CTC1: variants seen among roughly 807,000 people sequenced by gnomAD.
CTC1 encodes the protein CST complex subunit CTC1.
In CTC1, 91 loss-of-function variants were observed where a neutral mutation model predicts 136.3. That is an observed-to-expected ratio of 0.67 (90% CI 0.56 to 0.79). The LOEUF (loss-of-function observed/expected upper bound fraction) is 0.79, where lower values mean the gene tolerates loss of function less well. CTC1 is among the 30% of genes least tolerant of loss of function. CTC1 has a pLI of 0.00. For synonymous variants in CTC1, 606 were observed against 613.8 expected (o/e 0.99, Z 0.19); for missense variants, 1,432 against 1,498.1 (o/e 0.96, Z 0.73).
At chr17:8,238,340 G>C in intron 3 of CTC1, 52 bp downstream of exon 3, 1 of 1,575,820 alleles carries the variant, frequency 6.3e-7, no homozygotes, top group East Asian at 2.2e-5. Context: ...CTTGATCCTT[G>C]GACACCATTC....
chr17:8,231,638 G>C, intron 14 of CTC1, 88 bp downstream of exon 14: 1 of 1,345,588 alleles, frequency 7.4e-7, no homozygotes. Context: ...AGGAGGCCTA[G>C]AGAATGACCA....
intron 20 of CTC1, 63 bp downstream of exon 20, chr17:8,229,079 T>G: frequency 6.4e-7 from 1 of 1,552,610 alleles, no homozygotes; most frequent in Non-Finnish European, 8.8e-7. Context: ...ATGTAGAAAC[T>G]GCAGATAGAC....
chr17:8,244,529 CTTT>C (rs553787024), intron 1 of CTC1, among the ~76,000 whole-genome samples: 1 of 145,620 alleles, frequency 6.9e-6, no homozygotes, highest in African/African-American at 2.5e-5. Flanking sequence ...TCACATTCCT[CTTT>C]TTTTTTTTTT....
In CTC1 at chr17:8,226,639, G is replaced by T. The variant is rs554261837; in HGVS notation, c.*1541C>A. On this transcript the variant is annotated 3_prime_UTR_variant, in exon 23 of 23. Coordinates refer to ENST00000651323, the MANE Select transcript of CTC1 (RefSeq NM_025099.6). ...GTCGGCAGGATTCGAACCTGCGCGG[G>T]GAGACCCCAATGGATTTCTAGTCCA... is the stretch of plus-strand genomic sequence containing the variant. 4.0e-5 allele frequency: 6 copies of T among 151,754 alleles called. No homozygotes were observed. The East Asian group carries it at 7.7e-4, about 20-fold the overall frequency. 9.4% of individuals were successfully genotyped at this position (151,754 alleles called of 1,614,324 possible).
Position 8,232,463 on chromosome 17 carries a change from C to T in CTC1, c.1958G>A (p.Arg653Gln), listed in dbSNP as rs775779700. Residue 653 changes from arginine (R) to glutamine (Q), a missense_variant, in exon 12 of 23, where the codon CGG (arginine) becomes CAG (glutamine). Arg to Gln is a conservative substitution (Grantham distance 43). Coordinates refer to ENST00000651323, the MANE Select transcript of CTC1 (RefSeq NM_025099.6). ...SDPRLIGCLVRAERFQLIVER... is the reference protein window; with the variant it reads ...SDPRLIGCLVQAERFQLIVER... ...TACGATCAACTGAAACCTCTCTGCC[C>T]GCACCAGGCAGCCTAGAGGAAGAAA... The T allele has an allele frequency of 6.1e-5, 99 of 1,613,700 alleles. No individual in the cohort carries two copies. In the East Asian group the frequency reaches 1.5e-3, roughly 25 times the overall value.
chr17:8,246,561 T>C (rs1024879988), intron 1 of CTC1, among the ~76,000 whole-genome samples: 9 of 152,034 alleles, frequency 5.9e-5, no homozygotes, highest in Non-Finnish European at 1.3e-4. Flanking sequence ...GAAACCTAGA[T>C]GTCCTCCTTA....
rs1000241243 is a variant in CTC1, at chr17:8,247,064, G to A, written c.33+940C>T. Among the ~76,000 whole-genome samples the A allele has an allele frequency of 3.5e-5, 5 of 144,066 alleles. No individual in the cohort carries two copies. In the East Asian group the frequency reaches 9.5e-4, roughly 27 times the overall value. 94.5% of individuals were successfully genotyped at this position (144,066 alleles called of 152,430 possible). A position where few individuals can be genotyped will look rare whatever the true frequency, so the allele number is the denominator to read the frequency against. On this transcript the variant is annotated intron_variant, in intron 1 of 22. Transcript: ENST00000651323. ...GCTAGAGTGCAGTGGCGCGATCTCG[G>A]CTCACTGCAACCTCCACTTCCGTGG... is the stretch of plus-strand genomic sequence containing the variant.
Position 8,238,379 on chromosome 17 carries a change from A to T in CTC1, c.435+13T>A, listed in dbSNP as rs752476587. ...TCAGGATCTGAGGCATCTGATCTCC[A>T]CCTTCCACTCACCTCACAGCTCAGG... On this transcript the variant is annotated intron_variant, in intron 3 of 22. Transcript: ENST00000651323. The T allele has an allele frequency of 6.2e-7, 1 of 1,608,918 alleles. No homozygotes were observed. The highest frequency in any genetic ancestry group is 8.5e-7 in the Non-Finnish European group (1 of 1,175,858).
chr17:8,247,828 G>A (rs1988888060), intron 1 of CTC1, 176 bp downstream of exon 1: 9 of 645,818 alleles, frequency 1.4e-5, no homozygotes, highest in Non-Finnish European at 2.5e-5. Flanking sequence ...CGTGAATGAG[G>A]GAATAAACAT....
chr17:8,247,699 G>A (rs1988871261), intron 1 of CTC1: 2 of 365,376 alleles, frequency 5.5e-6, no homozygotes, highest in African/African-American at 2.1e-5. Context: ...GCTCCGTCAA[G>A]GGTCTTCTCC....
At chr17:8,243,470 G>A (rs1988443760) in intron 1 of CTC1, among the ~76,000 whole-genome samples, 1 of 149,992 alleles carries the variant, frequency 6.7e-6, no homozygotes, top group Non-Finnish European at 1.5e-5. Context: ...GGTGAGCCAA[G>A]ATCGAGCCAT....
At position 8,232,933 on chromosome 17, in the gene CTC1, G is replaced by C; in HGVS notation, c.1918C>G (p.Gln640Glu). ...ATCAGCCGTGGGTCACTGAGGGGTT[G>C]AGAGTGCTTGGCCAGGAGCAGGCAG... ...LPCLLLAKHS[Q>E]PLSDPRLIGC... Residue 640 changes from glutamine to glutamate, a missense_variant, in exon 11 of 23, where the codon CAA (glutamine) becomes GAA (glutamate). Physicochemically the swap from Gln to Glu is conservative, Grantham distance 29. Coordinates refer to ENST00000651323, the MANE Select transcript of CTC1 (RefSeq NM_025099.6). The C allele has an allele frequency of 6.2e-7, 1 of 1,614,118 alleles. No homozygotes were observed. Among genetic ancestry groups the C allele is most frequent in the Admixed American group, 1.7e-5 (1 of 60,020 alleles).
intron 1 of CTC1, among the ~76,000 whole-genome samples, chr17:8,246,318 G>A (rs1988702920): frequency 6.6e-6 from 1 of 152,026 alleles, no homozygotes; most frequent in Non-Finnish European, 1.5e-5. Context: ...CCACTGCATG[G>A]GTTTAACAGC....
At position 8,228,046 on chromosome 17, in the gene CTC1, G is replaced by T; in HGVS notation, c.*134C>A. On this transcript the variant is annotated 3_prime_UTR_variant, in exon 23 of 23. Transcript: ENST00000651323. Reference sequence around the variant, plus strand: ...GCTGGCACCAGAACACCAAAGAAGGGAAATTATAGTGGAGTAGCAGTTTGT... The same window carrying T: ...GCTGGCACCAGAACACCAAAGAAGGTAAATTATAGTGGAGTAGCAGTTTGT... 1.1e-6 allele frequency: 1 copy of T among 922,378 alleles called. No homozygotes were observed. Among genetic ancestry groups the T allele is most frequent in the East Asian group, 2.5e-5 (1 of 40,384 alleles). The allele number at this position is 922,378 out of a possible 1,614,324, so 57.1% of individuals were successfully genotyped here. A position where few individuals can be genotyped will look rare whatever the true frequency, so the allele number is the denominator to read the frequency against.
In CTC1 at chr17:8,229,914, A is replaced by C. The variant is rs1165368375; in HGVS notation, c.2988T>G (p.Ser996Arg). Residue 996 changes from serine (S) to arginine (R), a missense_variant, in exon 18 of 23, where the codon AGT (serine) becomes AGG (arginine). By Grantham distance (110) the Ser-to-Arg change is moderately radical. Transcript: ENST00000651323. ...ACCTGATGGTGGTCTCAGGGGGAAA[A>C]CTCAGGACCTGCACATAAGTGGATG... ...FRSSTYVQVL[S>R]FPPETTISIP... 1.9e-6 allele frequency: 3 copies of C among 1,614,020 alleles called. No homozygotes were observed. The highest frequency in any genetic ancestry group is 2.5e-6 in the Non-Finnish European group (3 of 1,179,988).
In CTC1 at chr17:8,230,308, C is replaced by G; in HGVS notation, c.2919G>C (p.Glu973Asp). ...PGARVHFSQL[E>D]KRVSRSHNVY... ...CACATCTTCACCTGGAAACCCTTTT[C>G]TCCAACTGGCTGAAGTGGACCCGGG... Residue 973 changes from glutamate (E) to aspartate (D), a missense_variant, in exon 17 of 23, where the codon GAG (glutamate) becomes GAC (aspartate). Glu to Asp is a conservative substitution (Grantham distance 45). Transcript: ENST00000651323. 2 of 1,612,026 alleles carry G rather than the reference C, an allele frequency of 1.2e-6. No homozygotes were observed. Among genetic ancestry groups the G allele is most frequent in the East Asian group, 4.5e-5 (2 of 44,884 alleles).
Position 8,235,131 on chromosome 17 carries a change from TC to T in CTC1, c.1360del (p.Glu454SerfsTer9), listed in dbSNP as rs748852501. ...TAACTGACGTTCCCACACCAGCTGC[TC>T]GTACAGGGAGGCCCCGTAGGCTTGA... The part of the protein sequence containing the change: ...SRQAYGASLY[E>X]QLVWERQLGL... On this transcript the variant is annotated frameshift_variant, in exon 8 of 23. Transcript: ENST00000651323. LOFTEE classifies it high-confidence loss of function. The T allele has an allele frequency of 1.9e-5, 30 of 1,613,954 alleles. No individual in the cohort carries two copies. Among genetic ancestry groups the T allele is most frequent in the Admixed American group, 5.0e-5 (3 of 59,992 alleles).
At chr17:8,237,956 TTTC>T in intron 4 of CTC1, 72 bp downstream of exon 4, 1 of 1,214,032 alleles carries the variant, frequency 8.2e-7, no homozygotes, top group South Asian at 1.3e-5. Context: ...TGCCCTTTTC[TTTC>T]TCTCCCTCCA....
At position 8,229,024 on chromosome 17, in the gene CTC1, G is replaced by A. The variant is rs912101628; in HGVS notation, c.3221+118C>T. 45 of 1,464,876 alleles carry A rather than the reference G, an allele frequency of 3.1e-5. No homozygotes were observed. The African/African-American group carries it at 3.2e-4, about 11-fold the overall frequency. 90.7% of individuals were successfully genotyped at this position (1,464,876 alleles called of 1,614,324 possible). A position where few individuals can be genotyped will look rare whatever the true frequency, so the allele number is the denominator to read the frequency against. On this transcript the variant is annotated intron_variant, in intron 20 of 22. Coordinates refer to ENST00000651323, the MANE Select transcript of CTC1 (RefSeq NM_025099.6). ...TTTAGGAGCTTACCCTCATTCATTC[G>A]TTCAAAAAATATTAAGCAATTCTCA...
Sources: allele counts gnomAD v4.1 joint callset (sites outside exome capture counted in the v4.1 genomes callset), GRCh38; gene constraint gnomAD v4.1.1; transcripts MANE v1.5; gene names NCBI Gene and HGNC (gene_info 2026-07-23, HGNC 2026-07-21).